Variants in PALM2AKAP2 observed in about 807,000 individuals in gnomAD.
The protein encoded by PALM2AKAP2 is PALM2-AKAP2 fusion protein.
Under a neutral mutation model 71.5 loss-of-function variants are expected in PALM2AKAP2, and 37 were observed. The ratio of observed to expected loss-of-function variants is 0.52; its 90% confidence interval spans 0.40 to 0.68. The LOEUF is 0.68. PALM2AKAP2 is among the 30% of genes least tolerant of loss of function. The pLI is 0.00. For missense variants in PALM2AKAP2, 1,224 were observed against 1,191.8 expected, an observed-to-expected ratio of 1.03 and a Z score of -0.40; for synonymous variants, 468 against 478.8, an observed-to-expected ratio of 0.98 and a Z score of 0.29.
chr9:110,164,727 C>T (rs1418577798), intron 3 of PALM2AKAP2, among the ~76,000 whole-genome samples: 1 of 152,028 alleles, frequency 6.6e-6, no homozygotes, highest in East Asian at 1.9e-4. Context: ...GACAGGTTTT[C>T]ACTATGTTGG....
chr9:109,937,858 C>G (rs1455375295), intron 6 of PALM2AKAP2, among the ~76,000 whole-genome samples: 1 of 152,186 alleles, frequency 6.6e-6, no homozygotes, highest in Non-Finnish European at 1.5e-5. Flanking sequence ...AGCCCTCACC[C>G]CTCAACAGCA....
At chr9:109,957,787 G>A (rs2132104764) in intron 6 of PALM2AKAP2, among the ~76,000 whole-genome samples, 1 of 152,282 alleles carries the variant, frequency 6.6e-6, no homozygotes, top group East Asian at 1.9e-4. Flanking sequence ...TTATTTAATT[G>A]GTAGGGTGAA....
At chr9:109,667,958 A>G (rs1827514978) in intron 1 of PALM2AKAP2, among the ~76,000 whole-genome samples, 1 of 8,354 alleles carries the variant, frequency 1.2e-4, no homozygotes, top group East Asian at 2.0e-3. Context: ...TTTTTTTGAG[A>G]CGGAGTCTCG....
intron 1 of PALM2AKAP2, among the ~76,000 whole-genome samples, chr9:110,112,076 T>C (rs539843467): frequency 1.3e-5 from 2 of 152,110 alleles, no homozygotes; most frequent in African/African-American, 4.8e-5. Context: ...CCAGACATTA[T>C]CTAGAGAATT....
In PALM2AKAP2 at chr9:110,161,610, C is replaced by T. The variant is rs549426820; in HGVS notation, c.2748+5113C>T. Reference sequence around the variant, plus strand: ...GGCAAGACTACCCTTAGGCCGGTTTCAGAGAATCTGCCTCCACAAACCAAC... The same window carrying T: ...GGCAAGACTACCCTTAGGCCGGTTTTAGAGAATCTGCCTCCACAAACCAAC... On this transcript the variant is annotated intron_variant, in intron 3 of 3. Transcript: ENST00000374525. Among the ~76,000 whole-genome samples, 10 of 152,278 alleles carry T rather than the reference C, an allele frequency of 6.6e-5. No homozygotes were observed. In the South Asian group the frequency reaches 1.9e-3, roughly 28 times the overall value.
chr9:109,657,127 C>A (rs185828633), intron 1 of PALM2AKAP2, among the ~76,000 whole-genome samples: 2 of 152,072 alleles, frequency 1.3e-5, no homozygotes, highest in African/African-American at 4.8e-5. Context: ...TCAGAGATGC[C>A]CCAGGGTCAG....
intron 3 of PALM2AKAP2, among the ~76,000 whole-genome samples, chr9:109,918,858 T>C (rs183439639): frequency 6.6e-6 from 1 of 152,342 alleles, no homozygotes. Flanking sequence ...TGAAACTCAG[T>C]TGTTGTTATC....
chr9:109,792,458 T>C (rs1378105621), intron 1 of PALM2AKAP2, among the ~76,000 whole-genome samples: 1 of 152,164 alleles, frequency 6.6e-6, no homozygotes, highest in East Asian at 1.9e-4. Flanking sequence ...TACAGCTCTC[T>C]CAATTTGAAC....
chr9:109,997,808 G>A (rs1416437889), intron 6 of PALM2AKAP2, among the ~76,000 whole-genome samples: 2 of 152,172 alleles, frequency 1.3e-5, no homozygotes, highest in Admixed American at 6.5e-5. Context: ...AGGGTGGGAC[G>A]GGGTTGCATC....
At chr9:109,837,240 A>G (rs970681560) in intron 1 of PALM2AKAP2, among the ~76,000 whole-genome samples, 30 of 152,246 alleles carry the variant, frequency 2.0e-4, no homozygotes, top group African/African-American at 7.2e-4. Flanking sequence ...TCTTAAAGAA[A>G]AGAATTTTCA....
chr9:110,136,323 T>C (rs1835864348), exon 2 of PALM2AKAP2: 4 of 1,614,194 alleles, frequency 2.5e-6, no homozygotes, highest in Middle Eastern at 1.6e-4. Flanking sequence ...CCCTCCGCTT[T>C]CTATTCACCC....
At chr9:109,764,540 C>T (rs1829117214) in intron 1 of PALM2AKAP2, among the ~76,000 whole-genome samples, 1 of 152,216 alleles carries the variant, frequency 6.6e-6, no homozygotes. Flanking sequence ...ATCCCAAGAA[C>T]TGCCTCCTTA....
chr9:109,791,657 G>T (rs1019712104), intron 1 of PALM2AKAP2, among the ~76,000 whole-genome samples: 3 of 152,192 alleles, frequency 2.0e-5, no homozygotes, highest in Non-Finnish European at 4.4e-5. Context: ...TGTTAGGGGG[G>T]TGAGATCTCA....
In PALM2AKAP2 at chr9:109,993,371, C is replaced by T. The variant is rs117572525; in HGVS notation, c.497-22583C>T. ...TTTAGCAATTGAGCAATTTAGCAAA[C>T]TCATTGAGAAGAGTTTCCTTCTTCC... On this transcript the variant is annotated intron_variant, in intron 6 of 9. Coordinates refer to the PALM2AKAP2 transcript ENST00000302798. Among the ~76,000 whole-genome samples the T allele has an allele frequency of 1.0e-2, 1,515 of 152,238 alleles. 17 individuals are homozygous for T. Among genetic ancestry groups the T allele is most frequent in the Middle Eastern group, 0.024 (7 of 294 alleles).
At chr9:109,906,254 A>C (rs1830443316) in intron 3 of PALM2AKAP2, among the ~76,000 whole-genome samples, 1 of 152,204 alleles carries the variant, frequency 6.6e-6, no homozygotes, top group African/African-American at 2.4e-5. Flanking sequence ...GCTGGAGTGC[A>C]GTGGTGCAAT....
chr9:109,780,243 A>C, upstream of PALM2AKAP2: 2 of 1,108,998 alleles, frequency 1.8e-6, no homozygotes, highest in Non-Finnish European at 2.2e-6. Flanking sequence ...GGCGACCGGG[A>C]GATGCAGTGA....
At chr9:109,843,547 C>T (rs1167852716) in intron 1 of PALM2AKAP2, among the ~76,000 whole-genome samples, 2 of 151,994 alleles carry the variant, frequency 1.3e-5, no homozygotes, top group Admixed American at 1.3e-4. Flanking sequence ...ATGGTATGTG[C>T]TCAAAATATT....
intron 1 of PALM2AKAP2, among the ~76,000 whole-genome samples, chr9:110,100,051 CTATATATATATATATATATATA>C (rs71373968): frequency 9.1e-6 from 1 of 109,464 alleles, no homozygotes; most frequent in Non-Finnish European, 1.9e-5. Context: ...GTATGTGTGT[CTATATATATATATATATATATA>C]TATATATAGA....
At chr9:109,847,268 A>G (rs559498693) in intron 1 of PALM2AKAP2, among the ~76,000 whole-genome samples, 3 of 152,300 alleles carry the variant, frequency 2.0e-5, no homozygotes, top group African/African-American at 7.2e-5. Context: ...GGGAGAAGGC[A>G]ATGCGATCAC....
Sources: allele counts gnomAD v4.1 joint callset (sites outside exome capture counted in the v4.1 genomes callset), GRCh38; gene constraint gnomAD v4.1.1; transcripts MANE v1.5; gene names NCBI Gene and HGNC (gene_info 2026-07-23, HGNC 2026-07-21).